Variants in BLTP3B observed in about 807,000 individuals in gnomAD.
BLTP3B encodes the protein bridge-like lipid transfer protein family member 3B.
chr12:100,128,359 A>C, the BLTP3B span, among the ~76,000 whole-genome samples: 4 of 152,172 alleles, frequency 2.6e-5, no homozygotes, highest in African/African-American at 9.7e-5. Context: ...TCTATTAGAA[A>C]AGACACTGAC....
chr12:100,133,515 G>A, the BLTP3B span, among the ~76,000 whole-genome samples: 2 of 152,260 alleles, frequency 1.3e-5, no homozygotes, highest in African/African-American at 2.4e-5. Flanking sequence ...CTGTTGAGGT[G>A]GGGTGGGGGC....
chr12:100,057,792 T>C, the BLTP3B span: 1 of 1,491,610 alleles, frequency 6.7e-7, no homozygotes, highest in Non-Finnish European at 9.0e-7. Context: ...GAGAAAAGAA[T>C]TCTATCTAAA....
the BLTP3B span, among the ~76,000 whole-genome samples, chr12:100,061,570 T>C: frequency 4.8e-5 from 7 of 145,946 alleles, no homozygotes; most frequent in Admixed American, 1.4e-4. Context: ...GGCAGGAGAA[T>C]GGTGTGAACC....
the BLTP3B span, among the ~76,000 whole-genome samples, chr12:100,135,281 C>T: frequency 8.4e-4 from 118 of 141,248 alleles, 1 homozygote; most frequent in African/African-American, 3.0e-3. Flanking sequence ...TTCTTTCTTT[C>T]TTTTTTTTTT....
the BLTP3B span, chr12:100,142,465 G>C: frequency 2.8e-6 from 3 of 1,058,944 alleles, no homozygotes; most frequent in Non-Finnish European, 4.1e-6. Flanking sequence ...GCCCCGGCCA[G>C]AGCGGGGAAG....
chr12:100,106,205 G>C, the BLTP3B span, among the ~76,000 whole-genome samples: 1 of 151,894 alleles, frequency 6.6e-6, no homozygotes, highest in African/African-American at 2.4e-5. Context: ...CCACTACCGA[G>C]TGGGTACCTA....
chr12:100,039,678 G>A, the BLTP3B span: 6 of 1,614,098 alleles, frequency 3.7e-6, no homozygotes, highest in Non-Finnish European at 5.1e-6. Context: ...TGTCTGAGTG[G>A]CTTGCGTGAC....
chr12:100,072,610 T>G, the BLTP3B span: 1 of 1,343,426 alleles, frequency 7.4e-7, no homozygotes, highest in Non-Finnish European at 9.9e-7. Context: ...AACTCAAAAA[T>G]ATTAACAAGA....
chr12:100,080,613 C>T, the BLTP3B span, among the ~76,000 whole-genome samples: 1 of 152,158 alleles, frequency 6.6e-6, no homozygotes, highest in Non-Finnish European at 1.5e-5. Context: ...GCTGTATTTA[C>T]CCAATGCCTT....
the BLTP3B span, chr12:100,047,809 T>C: frequency 8.5e-7 from 1 of 1,171,230 alleles, no homozygotes; most frequent in Non-Finnish European, 1.2e-6. Flanking sequence ...TCTACATCAT[T>C]TACCAAAAAA....
chr12:100,112,040 C>G, the BLTP3B span, among the ~76,000 whole-genome samples: 1 of 152,196 alleles, frequency 6.6e-6, no homozygotes, highest in Admixed American at 6.5e-5. Flanking sequence ...CCACACCCAG[C>G]CTAGATTTAC....
At chr12:100,067,802 C>T in the BLTP3B span, among the ~76,000 whole-genome samples, 2 of 152,096 alleles carry the variant, frequency 1.3e-5, no homozygotes, top group Non-Finnish European at 2.9e-5. Context: ...AACTACAAAA[C>T]ACTGCATTAA....
At chr12:100,041,900 T>C in the BLTP3B span, among the ~76,000 whole-genome samples, 2 of 152,056 alleles carry the variant, frequency 1.3e-5, no homozygotes, top group Non-Finnish European at 2.9e-5. Flanking sequence ...AAAAACCTAC[T>C]GGAAATAATC....
At chr12:100,078,049 T>C in the BLTP3B span, among the ~76,000 whole-genome samples, 3 of 152,180 alleles carry the variant, frequency 2.0e-5, no homozygotes, top group African/African-American at 7.2e-5. Context: ...CTATTTATGG[T>C]TGGCCCCTGA....
At chr12:100,064,862 CAAAAATTAAAAA>C in the BLTP3B span, among the ~76,000 whole-genome samples, 2 of 132,224 alleles carry the variant, frequency 1.5e-5, no homozygotes, top group Admixed American at 7.5e-5. Flanking sequence ...ATCTATAAAA[CAAAAATTAAAAA>C]AAAAATTAAA....
At chr12:100,050,421 G>T in the BLTP3B span, 3 of 1,016,752 alleles carry the variant, frequency 3.0e-6, no homozygotes, top group South Asian at 2.5e-5. Flanking sequence ...ATACAATTGT[G>T]ACCTACCAGA....
the BLTP3B span, among the ~76,000 whole-genome samples, chr12:100,107,093 G>A: frequency 2.0e-5 from 3 of 151,882 alleles, no homozygotes; most frequent in Non-Finnish European, 4.4e-5. Flanking sequence ...TTTGAGACCA[G>A]CATGGCCAAC....
the BLTP3B span, among the ~76,000 whole-genome samples, chr12:100,139,752 C>T: frequency 1.3e-5 from 2 of 152,304 alleles, no homozygotes; most frequent in Non-Finnish European, 2.9e-5. Flanking sequence ...ATGCCAGCCT[C>T]AAGACAAAAA....
chr12:100,037,812 CTATT>C, the BLTP3B span: 9 of 1,454,422 alleles, frequency 6.2e-6, no homozygotes, highest in Non-Finnish European at 8.4e-6. Context: ...GAAATACAGA[CTATT>C]TATATAGTAT....
Sources: gnomAD v4.1 joint callset for allele counts (sites outside exome capture counted in the v4.1 genomes callset) on GRCh38, gnomAD v4.1.1 for gene constraint, MANE v1.5 for transcripts, NCBI Gene and HGNC (gene_info 2026-07-23, HGNC 2026-07-21) for gene names.